MME: variants seen among roughly 807,000 people sequenced by gnomAD.
The protein encoded by MME is neprilysin.
MME carries 98 observed loss-of-function variants against 113.2 expected under a neutral mutation model. The ratio of observed to expected loss-of-function variants is 0.87; its 90% CI spans 0.74 to 1.02. The LOEUF is 1.02. Ranked by LOEUF, MME falls within the 50% of genes least tolerant of loss-of-function variation. MME has a pLI of 0.00. For synonymous variants in MME, 292 were observed against 300.6 expected (o/e 0.97, Z 0.30); for missense variants, 836 against 896.0 (o/e 0.93, Z 0.86).
chr3:155,160,669 T>C (rs1722652818), intron 17 of MME, among the ~76,000 whole-genome samples: 1 of 152,102 alleles, frequency 6.6e-6, no homozygotes, highest in Admixed American at 6.6e-5. Context: ...TTGTTTCTTT[T>C]ACAATATTCT....
At position 155,042,900 on chromosome 3, in the gene MME, TTA is replaced by T. The variant is rs1159626877; in HGVS notation, c.-11+18614_-11+18615del. ...TTAGAAAAATTACCAATAGTAGGTTTTATATATATATATATATATATATATAT... is the reference window on the plus strand; with the variant it reads ...TTAGAAAAATTACCAATAGTAGGTTTTATATATATATATATATATATATAT... On this transcript the variant is annotated intron_variant, in intron 1 of 22. Transcript: ENST00000492661. Among the ~76,000 whole-genome samples, 463 of 62,898 alleles carry T rather than the reference TTA, an allele frequency of 7.4e-3. 3 individuals are homozygous for T. The highest frequency in any genetic ancestry group is 7.9e-3 in the Non-Finnish European group (273 of 34,550). 41.3% of individuals were successfully genotyped at this position (62,898 alleles called of 152,430 possible). A position where few individuals can be genotyped will look rare whatever the true frequency, so the allele number is the denominator to read the frequency against.
At chr3:155,152,506 G>A (rs536512653) in intron 16 of MME, among the ~76,000 whole-genome samples, 6 of 152,100 alleles carry the variant, frequency 3.9e-5, no homozygotes, top group Admixed American at 6.6e-5. Context: ...TTGCCAATTT[G>A]TAATAATGAT....
Position 155,116,697 on chromosome 3 carries a change from T to C in MME, c.473T>C (p.Leu158Pro). Residue 158 changes from leucine (L) to proline (P), a missense_variant, in exon 6 of 23, where the codon CTC becomes CCC. Leu to Pro is a moderately conservative substitution (Grantham distance 98, BLOSUM62 -3). Transcript: ENST00000360490. ...GATAGCAGAGGTGGAGAACCTCTAC[T>C]CAAACTGTTACCAGACATATATGGG... ...AIDSRGGEPLLKLLPDIYGWP... is the reference protein window; with the variant it reads ...AIDSRGGEPLPKLLPDIYGWP... The C allele has an allele frequency of 6.2e-7, 1 of 1,613,432 alleles. No individual in the cohort carries two copies. The highest frequency in any genetic ancestry group is 8.5e-7 in the Non-Finnish European group (1 of 1,179,752).
At chr3:155,094,766 T>A (rs3773901) in intron 3 of MME, among the ~76,000 whole-genome samples, 44,774 of 152,090 alleles carry the variant, frequency 0.29, 7,626 homozygotes, top group Non-Finnish European at 0.4. Flanking sequence ...AAGCCTACCA[T>A]CAGGGACACC....
chr3:155,114,463 T>C (rs1718439253), intron 3 of MME, among the ~76,000 whole-genome samples: 1 of 152,204 alleles, frequency 6.6e-6, no homozygotes, highest in Non-Finnish European at 1.5e-5. Flanking sequence ...GATGTCAAAT[T>C]TGAATTACAA....
chr3:155,112,003 A>G (rs2108243635), intron 3 of MME, among the ~76,000 whole-genome samples: 1 of 150,232 alleles, frequency 6.7e-6, no homozygotes, highest in East Asian at 2.0e-4. Flanking sequence ...CCGTTACCAT[A>G]TTTTTATTTC....
At chr3:155,063,710 A>G (rs1714277153) in intron 1 of MME, among the ~76,000 whole-genome samples, 1 of 134,566 alleles carries the variant, frequency 7.4e-6, no homozygotes, top group African/African-American at 2.8e-5. Context: ...ATATTATATT[A>G]TATTATATAT....
Position 155,183,517 on chromosome 3 carries a change from G to T in MME, c.*3058G>T, listed in dbSNP as rs1713293540. On this transcript the variant is annotated 3_prime_UTR_variant, in exon 23 of 23. Transcript: ENST00000360490. ...GCTGTTACTGTTAACCATTTAAGTG[G>T]GGCAAAACCTTGCTAATTTTCTCAA... The T allele has an allele frequency of 6.6e-6, 1 of 152,038 alleles. No homozygotes were observed. The highest frequency in any genetic ancestry group is 1.5e-5 in the Non-Finnish European group (1 of 68,018). The allele number at this position is 152,038 out of a possible 1,614,324, so 9.4% of individuals were successfully genotyped here. A position where few individuals can be genotyped will look rare whatever the true frequency, so the allele number is the denominator to read the frequency against.
chr3:155,147,562 G>A (rs1010189618), intron 15 of MME, among the ~76,000 whole-genome samples: 4 of 152,106 alleles, frequency 2.6e-5, no homozygotes, highest in East Asian at 3.9e-4. Context: ...CAGGCTTCGA[G>A]TTTCCCTCCA....
At chr3:155,095,658 G>A (rs973569067) in intron 3 of MME, among the ~76,000 whole-genome samples, 1 of 151,964 alleles carries the variant, frequency 6.6e-6, no homozygotes, top group Non-Finnish European at 1.5e-5. Flanking sequence ...AGAACAACAG[G>A]CACATGCCAC....
chr3:155,043,493 C>T (rs776300572), intron 1 of MME, among the ~76,000 whole-genome samples: 4 of 151,744 alleles, frequency 2.6e-5, no homozygotes, highest in Admixed American at 1.3e-4. Context: ...CCACCACGCC[C>T]GGCCAATTAT....
intron 1 of MME, among the ~76,000 whole-genome samples, chr3:155,056,981 A>G (rs1441267778): frequency 2.0e-5 from 3 of 152,184 alleles, no homozygotes; most frequent in Non-Finnish European, 4.4e-5. Flanking sequence ...TAGACCTAAA[A>G]CCATAAAAAC....
At position 155,110,871 on chromosome 3, in the gene MME, A is replaced by G. The variant is rs1413655051; in HGVS notation, c.197-4123A>G. Among the ~76,000 whole-genome samples the G allele has an allele frequency of 2.0e-5, 3 of 152,324 alleles. No individual in the cohort carries two copies. In the East Asian group the frequency reaches 5.8e-4, roughly 29 times the overall value. ...TTTTATACAGATTTTAAAAAATCAT[A>G]GTATATGCTCTTTCACTTTACAATA... On this transcript the variant is annotated intron_variant, in intron 3 of 22. Transcript: ENST00000360490.
intron 7 of MME, among the ~76,000 whole-genome samples, chr3:155,118,091 T>A (rs1025104884): frequency 6.6e-6 from 1 of 152,206 alleles, no homozygotes; most frequent in African/African-American, 2.4e-5. Context: ...CACCCTTAAC[T>A]GCTATCTGGG....
At chr3:155,108,361 C>G (rs1004556832) in intron 3 of MME, among the ~76,000 whole-genome samples, 1 of 151,792 alleles carries the variant, frequency 6.6e-6, no homozygotes, top group Non-Finnish European at 1.5e-5. Flanking sequence ...TTTGGGAGGC[C>G]GAGGCGGGTG....
chr3:155,042,912 A>ATATATATATATATATATG (rs1713387423), intron 1 of MME, among the ~76,000 whole-genome samples: 4 of 43,064 alleles, frequency 9.3e-5, no homozygotes, highest in African/African-American at 4.2e-4. Context: ...ATATATATAT[A>ATATATATATATATATATG]TATATATATA....
Position 155,125,067 on chromosome 3 carries a change from C to T in MME, c.720+6256C>T, listed in dbSNP as rs527433882. Among the ~76,000 whole-genome samples the T allele has an allele frequency of 3.8e-3, 565 of 149,282 alleles. 2 individuals carry two copies. Among genetic ancestry groups the T allele is most frequent in the African/African-American group, 0.013 (532 of 40,624 alleles). On this transcript the variant is annotated intron_variant, in intron 8 of 22. Transcript: ENST00000360490. ...CTCAGACTGCTGTGCTAGCAATCAG[C>T]GAGATTCCGTGGGCGTAGGACCCTC...
intron 3 of MME, among the ~76,000 whole-genome samples, chr3:155,113,929 C>G (rs909505716): frequency 1.3e-5 from 2 of 152,092 alleles, no homozygotes; most frequent in Admixed American, 6.5e-5. Flanking sequence ...AGGTTCCAGA[C>G]AAGCAAACAT....
rs992229398 is a variant in MME, at chr3:155,030,410, T to TTTG, written c.-11+6104_-11+6106dup. On this transcript the variant is annotated intron_variant, in intron 1 of 22. Coordinates refer to the MME transcript ENST00000492661. The stretch of plus-strand genomic sequence containing the variant: ...TCTTTTCAACTTTGCTTGTTTTGTT[T>TTTG]TTGTTGTTGTTGTTGTTGTTAGATT... 7.2e-5 allele frequency among the ~76,000 whole-genome samples: 11 copies of TTTG among 152,224 alleles called. No individual in the cohort carries two copies. The East Asian group carries it at 7.7e-4, about 11-fold the overall frequency.
Sources: allele counts gnomAD v4.1 joint callset (sites outside exome capture counted in the v4.1 genomes callset), GRCh38; gene constraint gnomAD v4.1.1; transcripts MANE v1.5; gene names NCBI Gene and HGNC (gene_info 2026-07-23, HGNC 2026-07-21).